The following FBN1 variants were observed in gnomAD, a reference collection of about 807,000 sequenced individuals.
The protein encoded by FBN1 is fibrillin 1, also known as fibrillin-1.
FBN1 carries 29 observed loss-of-function variants against 365.1 expected under a neutral mutation model. The observed-to-expected ratio is 0.08, with a 90% confidence interval of 0.06 to 0.11. FBN1 has a LOEUF of 0.11. Ranked by LOEUF, FBN1 falls within the 10% of genes least tolerant of loss-of-function variation. The pLI is 1.00. For missense variants in FBN1, 2,476 were observed against 3,703.2 expected (o/e 0.67, Z 8.60); for synonymous variants, 1,210 against 1,270.5 (o/e 0.95, Z 1.01).
At chr15:48,606,592 C>G (rs557030512) in intron 4 of FBN1, among the ~76,000 whole-genome samples, 7 of 152,052 alleles carry the variant, frequency 4.6e-5, no homozygotes, top group Non-Finnish European at 8.8e-5. Flanking sequence ...AGAATTATGT[C>G]GGGAAGAAAA....
Position 48,425,447 on chromosome 15 carries a change from A to G in FBN1, c.7375T>C (p.Cys2459Arg). 6.2e-7 allele frequency: 1 copy of G among 1,614,164 alleles called. No homozygotes were observed. Residue 2459 changes from cysteine to arginine, a missense_variant, in exon 60 of 66, where the codon TGC becomes CGC. Physicochemically the swap from Cys to Arg is radical, Grantham distance 180 (BLOSUM62 -3). Transcript: ENST00000316623. ...NQAPKPCNFI[C>R]KNTEGSYQCS... is the part of the protein sequence containing the mutation. ...TGGTAACTCCCTTCTGTGTTTTTGCAGATAAAATTGCAGGGTTTGGGAGCC... is the reference window on the plus strand; with the variant it reads ...TGGTAACTCCCTTCTGTGTTTTTGCGGATAAAATTGCAGGGTTTGGGAGCC...
chr15:48,481,630 T>C (rs2043465616), intron 32 of FBN1, 25 bp downstream of exon 32: 2 of 1,612,450 alleles, frequency 1.2e-6, no homozygotes, highest in African/African-American at 2.7e-5. Flanking sequence ...CTTAATATTT[T>C]ATTGTTCTAC....
At chr15:48,412,055 G>T (rs1056872601) in intron 65 of FBN1, among the ~76,000 whole-genome samples, 6 of 152,180 alleles carry the variant, frequency 3.9e-5, no homozygotes, top group African/African-American at 1.4e-4. Context: ...CAGAGGTCTG[G>T]GTGAATATCT....
intron 30 of FBN1, 67 bp downstream of exon 30, chr15:48,485,307 C>T (rs971733382): frequency 6.2e-7 from 1 of 1,612,012 alleles, no homozygotes; most frequent in Non-Finnish European, 8.5e-7. Flanking sequence ...ACTCCAAAGC[C>T]TGGGCCCTAA....
At chr15:48,514,465 TA>T (rs1369242906) in intron 12 of FBN1, among the ~76,000 whole-genome samples, 20 of 152,190 alleles carry the variant, frequency 1.3e-4, no homozygotes, top group Non-Finnish European at 2.2e-4. Flanking sequence ...TGACAAATCA[TA>T]AATTTATAAT....
chr15:48,608,364 A>C (rs2044630168), intron 4 of FBN1, among the ~76,000 whole-genome samples: 1 of 152,188 alleles, frequency 6.6e-6, no homozygotes, highest in African/African-American at 2.4e-5. Context: ...ACATGTAGTG[A>C]ATGCAAACAT....
chr15:48,423,153 A>C (rs578177596), intron 60 of FBN1, among the ~76,000 whole-genome samples: 1 of 152,222 alleles, frequency 6.6e-6, no homozygotes, highest in Non-Finnish European at 1.5e-5. Flanking sequence ...GCTTCTAGCT[A>C]AACTTTAATG....
At chr15:48,546,647 A>T (rs1467992249) in intron 6 of FBN1, among the ~76,000 whole-genome samples, 1 of 152,178 alleles carries the variant, frequency 6.6e-6, no homozygotes, top group African/African-American at 2.4e-5. Flanking sequence ...AAAGCTCAAT[A>T]AAAAGCCACT....
At position 48,595,553 on chromosome 15, in the gene FBN1, T is replaced by C. The variant is rs1444503775; in HGVS notation, c.538+730A>G. Among the ~76,000 whole-genome samples, 4 of 152,238 alleles carry C rather than the reference T, an allele frequency of 2.6e-5. No individual in the cohort carries two copies. The East Asian group carries it at 5.8e-4, about 22-fold the overall frequency. Reference sequence around the variant, plus strand: ...CACATATCTCAATATCATACTTGTATTTTTAGGTAGGCAAATCAGGTAGAA... The same window carrying C: ...CACATATCTCAATATCATACTTGTACTTTTAGGTAGGCAAATCAGGTAGAA... On this transcript the variant is annotated intron_variant, in intron 6 of 65. Coordinates refer to ENST00000316623, the MANE Select transcript of FBN1 (RefSeq NM_000138.5).
In FBN1 at chr15:48,537,651, G is replaced by A; in HGVS notation, c.696C>T (p.Arg232=). 1 of 1,614,212 alleles carries A rather than the reference G, an allele frequency of 6.2e-7. No individual in the cohort carries two copies. ...EMCPAQPHPC[R]RGFIPNIRTG... ...TGCGGATATTTGGAATGAAGCCACG[G>A]CGGCAGGGGTGAGGCTGGGCAGGAC... The change falls in exon 7 of 66, where the codon CGC becomes CGT. Residue 232 remains arginine (R), a synonymous_variant. Coordinates refer to ENST00000316623, the MANE Select transcript of FBN1 (RefSeq NM_000138.5).
chr15:48,427,088 C>T (rs1329850437), intron 58 of FBN1, among the ~76,000 whole-genome samples: 2 of 152,174 alleles, frequency 1.3e-5, no homozygotes, highest in Admixed American at 1.3e-4. Flanking sequence ...CTGACACTTC[C>T]TCATCCTGCT....
chr15:48,474,025 ATATC>A (rs759252791), intron 34 of FBN1, among the ~76,000 whole-genome samples: 19 of 152,176 alleles, frequency 1.2e-4, no homozygotes, highest in East Asian at 7.7e-4. Context: ...TGGCACCTAA[ATATC>A]TATCTATCTA....
At position 48,520,688 on chromosome 15, in the gene FBN1, G is replaced by C; in HGVS notation, c.1118C>G (p.Ala373Gly). 1.2e-6 allele frequency: 2 copies of C among 1,614,130 alleles called. No individual in the cohort carries two copies. The highest frequency in any genetic ancestry group is 8.5e-7 in the Non-Finnish European group (1 of 1,180,032). ...GRCWSPGVTV[A>G]PEMCPIRATE... is the part of the protein sequence containing the mutation. The stretch of plus-strand genomic sequence containing the variant: ...TGCTCTGATGGGACACATCTCAGGG[G>C]CGACAGTGACCCCTGGAGACCAGCA... Residue 373 changes from alanine to glycine, a missense_variant, in exon 10 of 66, where the codon GCC becomes GGC. Physicochemically the swap from Ala to Gly is moderately conservative, Grantham distance 60. Around this residue, in one of 5 missense-constraint regions of FBN1, gnomAD observed 421 missense variants for 520.1 expected, o/e 0.81. Transcript: ENST00000316623.
At chr15:48,603,013 C>T (rs568170926) in intron 4 of FBN1, among the ~76,000 whole-genome samples, 2 of 152,200 alleles carry the variant, frequency 1.3e-5, no homozygotes, top group East Asian at 1.9e-4. Context: ...AGCAACAAAG[C>T]CATTTAACTA....
chr15:48,645,122 C>A lies in FBN1; in HGVS notation c.-181-172G>T, dbSNP rs1227091210. ...CAGCTGGCTGGAAAGCCCAGGCCCC[C>A]GGCGGCAGCAGCCCCGGCCGATCCC... is the stretch of plus-strand genomic sequence containing the variant. On this transcript the variant is annotated intron_variant, in intron 1 of 65. Coordinates refer to ENST00000316623, the MANE Select transcript of FBN1 (RefSeq NM_000138.5). Among the ~76,000 whole-genome samples, 3 of 152,268 alleles carry A rather than the reference C, an allele frequency of 2.0e-5. No homozygotes were observed. In the South Asian group the frequency reaches 6.2e-4, roughly 31 times the overall value.
At position 48,430,653 on chromosome 15, in the gene FBN1, C is replaced by T; in HGVS notation, c.6871+18G>A. On this transcript the variant is annotated intron_variant, in intron 56 of 65. Transcript: ENST00000316623. ...ACTTCTGATGCACTCAAAGCTCCTT[C>T]CACAGGGATCCTCTTACCTACACAG... is the stretch of plus-strand genomic sequence containing the variant. 6.2e-7 allele frequency: 1 copy of T among 1,613,450 alleles called. No individual in the cohort carries two copies. The highest frequency in any genetic ancestry group is 8.5e-7 in the Non-Finnish European group (1 of 1,179,668).
chr15:48,576,310 C>T (rs2044347161), intron 6 of FBN1, among the ~76,000 whole-genome samples: 1 of 152,174 alleles, frequency 6.6e-6, no homozygotes, highest in Non-Finnish European at 1.5e-5. Flanking sequence ...TTAGGCTCTA[C>T]AAATCCTTAA....
chr15:48,468,480 G>C lies in FBN1; in HGVS notation c.4514C>G (p.Thr1505Ser). ...TTCISGNCVN[T>S]PGSYICDCPP... ...GCAGTCACAGATATAGCTGCCTGGAGTGTTGACACAGTTCCCACTGATGCA... is the reference window on the plus strand; with the variant it reads ...GCAGTCACAGATATAGCTGCCTGGACTGTTGACACAGTTCCCACTGATGCA... Residue 1505 changes from threonine (T) to serine (S), a missense_variant, in exon 37 of 66, where the codon ACT (threonine) becomes AGT (serine). Physicochemically the swap from Thr to Ser is moderately conservative, Grantham distance 58. Transcript: ENST00000316623. 6.2e-7 allele frequency: 1 copy of C among 1,614,092 alleles called. No homozygotes were observed. Among genetic ancestry groups the C allele is most frequent in the Non-Finnish European group, 8.5e-7 (1 of 1,179,964 alleles).
intron 7 of FBN1, 96 bp downstream of exon 7, chr15:48,537,515 T>C: frequency 6.8e-7 from 1 of 1,470,546 alleles, no homozygotes; most frequent in East Asian, 2.3e-5. Flanking sequence ...GTTATGTAGC[T>C]GACACTACTT....
Sources: gnomAD v4.1 joint callset for allele counts (sites outside exome capture counted in the v4.1 genomes callset) on GRCh38, gnomAD v4.1.1 for gene constraint, gnomAD v4.1.1 regional missense constraint, MANE v1.5 for transcripts, NCBI Gene and HGNC (gene_info 2026-07-23, HGNC 2026-07-21) for gene names.